PTPRK: variants seen among roughly 807,000 people sequenced by gnomAD.
PTPRK encodes the protein protein tyrosine phosphatase receptor type K.
In PTPRK, 75 loss-of-function variants were observed where a neutral mutation model predicts 178.0. The ratio of observed to expected loss-of-function variants is 0.42; its 90% CI spans 0.35 to 0.51. PTPRK has a LOEUF of 0.51. Ranked by LOEUF, PTPRK falls within the 20% of genes least tolerant of loss-of-function variation. The pLI is 0.02. For missense variants in PTPRK, 1,441 were observed against 1,797.8 expected, an observed-to-expected ratio of 0.80 and a Z score of 3.59; for synonymous variants, 637 against 620.6, an observed-to-expected ratio of 1.03 and a Z score of -0.39.
chr6:128,499,636 A>T (rs1276392550), intron 1 of PTPRK, among the ~76,000 whole-genome samples: 1 of 152,248 alleles, frequency 6.6e-6, no homozygotes, highest in Non-Finnish European at 1.5e-5. Flanking sequence ...TTTATAGCAA[A>T]CATTGTATGA....
chr6:128,476,822 T>C (rs1851429619), intron 1 of PTPRK, among the ~76,000 whole-genome samples: 1 of 151,918 alleles, frequency 6.6e-6, no homozygotes, highest in Non-Finnish European at 1.5e-5. Context: ...ACTTAGGATA[T>C]GTGATATTAA....
intron 1 of PTPRK, among the ~76,000 whole-genome samples, chr6:128,410,930 C>G (rs1392521090): frequency 6.6e-6 from 1 of 152,148 alleles, no homozygotes; most frequent in Non-Finnish European, 1.5e-5. Context: ...TTTGTTCTGT[C>G]GCCCAGACTG....
intron 3 of PTPRK, among the ~76,000 whole-genome samples, chr6:128,309,474 G>A (rs1025831388): frequency 6.6e-6 from 1 of 152,062 alleles, no homozygotes; most frequent in African/African-American, 2.4e-5. Flanking sequence ...AGGAGTCCTG[G>A]TCTGCAACCA....
chr6:128,456,020 T>A (rs1048668595), intron 1 of PTPRK, among the ~76,000 whole-genome samples: 1 of 152,064 alleles, frequency 6.6e-6, no homozygotes, highest in African/African-American at 2.4e-5. Flanking sequence ...CAGGGAATTA[T>A]CACCAATTAT....
chr6:128,317,344 T>C (rs960203797), intron 3 of PTPRK, among the ~76,000 whole-genome samples: 2 of 152,148 alleles, frequency 1.3e-5, no homozygotes, highest in Admixed American at 1.3e-4. Context: ...TCACAGTAGA[T>C]ACCCAATAGA....
intron 1 of PTPRK, among the ~76,000 whole-genome samples, chr6:128,510,338 G>A (rs915826587): frequency 1.3e-5 from 2 of 152,136 alleles, no homozygotes; most frequent in African/African-American, 2.4e-5. Flanking sequence ...TAGGAGAGGA[G>A]GTAGCTAGGC....
At chr6:128,397,796 TTAA>T (rs1840515602) in intron 1 of PTPRK, 108 bp from the exon 2 acceptor site, 2 of 1,083,046 alleles carry the variant, frequency 1.8e-6, no homozygotes, top group Non-Finnish European at 2.6e-6. Flanking sequence ...ACTCACAATC[TTAA>T]TAATAAATGG....
intron 7 of PTPRK, among the ~76,000 whole-genome samples, chr6:128,106,070 A>G (rs921990412): frequency 1.3e-5 from 2 of 152,214 alleles, no homozygotes; most frequent in African/African-American, 4.8e-5. Flanking sequence ...CTTAACATCC[A>G]CAGACATCCT....
At chr6:128,258,521 T>C (rs1583748626) in intron 3 of PTPRK, among the ~76,000 whole-genome samples, 1 of 152,216 alleles carries the variant, frequency 6.6e-6, no homozygotes, top group Non-Finnish European at 1.5e-5. Flanking sequence ...TGTACTTTTT[T>C]CATTGTATAT....
rs149802467 is a variant in PTPRK at position 128,089,847 on chromosome 6, G to A, written c.1308C>T (p.Asn436=). 3.2e-5 allele frequency: 52 copies of A among 1,613,964 alleles called. No homozygotes were observed. The highest frequency in any genetic ancestry group is 2.3e-4 in the South Asian group (21 of 91,078). ...TGTCCAAACAGTCTGCCTTGCTCTC[G>A]TTGTGACCACGGAAGTAATGGTAGC... ...TICYHYFRGH[N]ESKADCLDMD... Residue 436 remains asparagine, a synonymous_variant, in exon 8 of 30, where the codon AAC becomes AAT. Transcript: ENST00000368226.
At chr6:128,029,129 C>A (rs569688141) in intron 13 of PTPRK, among the ~76,000 whole-genome samples, 1 of 152,044 alleles carries the variant, frequency 6.6e-6, no homozygotes, top group East Asian at 1.9e-4. Context: ...GGCTCTCTCA[C>A]GAATGCCTTG....
intron 1 of PTPRK, among the ~76,000 whole-genome samples, chr6:128,450,344 C>G (rs1184963027): frequency 6.6e-6 from 1 of 152,152 alleles, no homozygotes; most frequent in Non-Finnish European, 1.5e-5. Flanking sequence ...ATCTTCTTCT[C>G]TGTAATAGCA....
At chr6:128,329,382 A>AACACACACACACACAC (rs149088868) in intron 2 of PTPRK, among the ~76,000 whole-genome samples, 2 of 145,616 alleles carry the variant, frequency 1.4e-5, no homozygotes, top group African/African-American at 5.0e-5. Context: ...TATATAGATA[A>AACACACACACACACAC]ACACACACAC....
intron 7 of PTPRK, among the ~76,000 whole-genome samples, chr6:128,155,158 G>A (rs1343049197): frequency 6.6e-6 from 1 of 151,588 alleles, no homozygotes; most frequent in South Asian, 2.1e-4. Flanking sequence ...ATCTCTCAGT[G>A]CCCAGAATAT....
intron 1 of PTPRK, among the ~76,000 whole-genome samples, chr6:128,405,544 T>C (rs1362807666): frequency 6.6e-6 from 1 of 152,074 alleles, no homozygotes; most frequent in East Asian, 1.9e-4. Flanking sequence ...TACTGAAAAA[T>C]AAAATTCTCA....
chr6:128,440,848 G>A (rs1044227248), intron 1 of PTPRK, among the ~76,000 whole-genome samples: 1 of 151,838 alleles, frequency 6.6e-6, no homozygotes, highest in Non-Finnish European at 1.5e-5. Flanking sequence ...TGGACGTTTA[G>A]TGGCTTTTCA....
chr6:128,006,161 T>A, intron 14 of PTPRK: 1 of 729,288 alleles, frequency 1.4e-6, no homozygotes, highest in South Asian at 3.1e-5. Context: ...AAAAATAAAA[T>A]AAAATAAAAT....
chr6:128,202,686 A>G (rs1363155806), intron 6 of PTPRK, among the ~76,000 whole-genome samples: 1 of 152,168 alleles, frequency 6.6e-6, no homozygotes, highest in Admixed American at 6.5e-5. Context: ...TCTGTGGTTC[A>G]GTCAACTCAA....
At chr6:128,168,630 A>G (rs1293940731) in intron 7 of PTPRK, among the ~76,000 whole-genome samples, 2 of 152,098 alleles carry the variant, frequency 1.3e-5, no homozygotes, top group African/African-American at 4.8e-5. Context: ...AACTGTGCAT[A>G]ATGTTTTAAA....
Sources: gnomAD v4.1 joint callset for allele counts (sites outside exome capture counted in the v4.1 genomes callset) on GRCh38, gnomAD v4.1.1 for gene constraint, MANE v1.5 for transcripts, NCBI Gene and HGNC (gene_info 2026-07-23, HGNC 2026-07-21) for gene names.